Variants in PCDH9 observed in about 807,000 individuals in gnomAD.
PCDH9 encodes the protein protocadherin-9.
Under a neutral mutation model 70.6 loss-of-function variants are expected in PCDH9, and 24 were observed. That is an observed-to-expected ratio of 0.34 (90% CI 0.25 to 0.48). The LOEUF is 0.48. PCDH9 is among the 20% of genes least tolerant of loss of function. PCDH9 has a pLI of 0.99. For synonymous variants in PCDH9, 562 were observed against 558.5 expected, an observed-to-expected ratio of 1.01 and a Z score of -0.09; for missense variants, 1,281 against 1,503.6, an observed-to-expected ratio of 0.85 and a Z score of 2.45.
At chr13:66,333,056 CTT>C in intron 4 of PCDH9, among the ~76,000 whole-genome samples, 1 of 152,098 alleles carries the variant, frequency 6.6e-6, no homozygotes, top group East Asian at 1.9e-4. Context: ...ACTGCAAAGA[CTT>C]TTAATTATGA....
At chr13:67,170,811 T>A (rs1425979555) in intron 2 of PCDH9, among the ~76,000 whole-genome samples, 1 of 151,910 alleles carries the variant, frequency 6.6e-6, no homozygotes. Context: ...TGTAATCCCA[T>A]CTACTCGGGA....
intron 3 of PCDH9, among the ~76,000 whole-genome samples, chr13:66,873,918 C>CTTT (rs796944538): frequency 7.7e-6 from 1 of 130,136 alleles, no homozygotes; most frequent in African/African-American, 2.8e-5. Context: ...CTTTTCGTTT[C>CTTT]TTTTTTTTTT....
intron 2 of PCDH9, among the ~76,000 whole-genome samples, chr13:66,974,005 T>C (rs926546927): frequency 1.3e-5 from 2 of 151,992 alleles, no homozygotes; most frequent in African/African-American, 4.8e-5. Context: ...TGGAACATGA[T>C]ACATTACAGT....
chr13:66,397,456 G>GTA (rs1235241285), intron 4 of PCDH9, among the ~76,000 whole-genome samples: 43 of 84,628 alleles, frequency 5.1e-4, no homozygotes, highest in South Asian at 1.6e-3. Context: ...GTGTGTGTGT[G>GTA]TATATATATA....
chr13:66,767,100 C>A (rs1053405235), intron 3 of PCDH9, among the ~76,000 whole-genome samples: 2 of 151,876 alleles, frequency 1.3e-5, no homozygotes, highest in Non-Finnish European at 1.5e-5. Flanking sequence ...AAAATATATT[C>A]GCAGTAGAAA....
At chr13:66,964,426 G>T (rs749521458) in intron 2 of PCDH9, among the ~76,000 whole-genome samples, 3 of 151,868 alleles carry the variant, frequency 2.0e-5, no homozygotes, top group Non-Finnish European at 2.9e-5. Context: ...CTACCCCTAT[G>T]ACCCAAAGCT....
chr13:67,205,087 A>G (rs1468408936), intron 2 of PCDH9: 2 of 152,158 alleles, frequency 1.3e-5, no homozygotes, highest in African/African-American at 4.8e-5. Context: ...CCTCACCACA[A>G]ATTGATGCCT....
chr13:66,826,258 T>C (rs1412469761), intron 3 of PCDH9, among the ~76,000 whole-genome samples: 1 of 152,108 alleles, frequency 6.6e-6, no homozygotes, highest in African/African-American at 2.4e-5. Flanking sequence ...ACAAAAATGG[T>C]TTCCAAGACT....
chr13:66,437,283 T>C (rs1370534090), intron 4 of PCDH9, among the ~76,000 whole-genome samples: 3 of 150,832 alleles, frequency 2.0e-5, no homozygotes, highest in Non-Finnish European at 4.4e-5. Context: ...GGCGGGCGCC[T>C]GTAGTCCCAG....
chr13:66,482,523 T>A (rs1056813240), intron 4 of PCDH9, among the ~76,000 whole-genome samples: 1 of 152,084 alleles, frequency 6.6e-6, no homozygotes, highest in Non-Finnish European at 1.5e-5. Context: ...TAGAATCAAA[T>A]TGTCATGATG....
chr13:66,532,778 A>G (rs182970942), intron 4 of PCDH9, among the ~76,000 whole-genome samples: 59 of 152,132 alleles, frequency 3.9e-4, no homozygotes, highest in African/African-American at 1.4e-3. Flanking sequence ...TATTTTTTTA[A>G]TCACTTACTT....
intron 2 of PCDH9, among the ~76,000 whole-genome samples, chr13:67,026,600 A>G (rs1257412126): frequency 2.6e-5 from 4 of 152,092 alleles, no homozygotes; most frequent in Non-Finnish European, 5.9e-5. Context: ...AGGGTATTCA[A>G]TTAGGAAAAG....
chr13:67,104,840 C>T (rs887178201), intron 2 of PCDH9, among the ~76,000 whole-genome samples: 4 of 152,196 alleles, frequency 2.6e-5, no homozygotes, highest in Admixed American at 6.5e-5. Context: ...CGAGCCACCG[C>T]GCTGGGCCAA....
chr13:66,403,597 T>G (rs1161736997), intron 4 of PCDH9, among the ~76,000 whole-genome samples: 1 of 152,110 alleles, frequency 6.6e-6, no homozygotes, highest in Non-Finnish European at 1.5e-5. Flanking sequence ...TACTGAAGAC[T>G]CTAGAGAGCT....
chr13:66,315,168 A>G (rs1227142763), intron 4 of PCDH9, among the ~76,000 whole-genome samples: 1 of 152,170 alleles, frequency 6.6e-6, no homozygotes, highest in Non-Finnish European at 1.5e-5. Context: ...TCTGTCCTAC[A>G]AACACAAGCA....
intron 3 of PCDH9, among the ~76,000 whole-genome samples, chr13:66,632,594 TCATAAAAAATAATA>T (rs1204285521): frequency 6.6e-6 from 1 of 152,170 alleles, no homozygotes; most frequent in Non-Finnish European, 1.5e-5. Context: ...AAAAGTTTTC[TCATAAAAAATAATA>T]CATTTTAATG....
chr13:66,510,272 C>G (rs1959401813), intron 4 of PCDH9, among the ~76,000 whole-genome samples: 1 of 151,972 alleles, frequency 6.6e-6, no homozygotes, highest in South Asian at 2.1e-4. Flanking sequence ...TTATCTACTG[C>G]TCAAGAATCT....
At chr13:67,188,751 G>C (rs943127515) in intron 2 of PCDH9, among the ~76,000 whole-genome samples, 1 of 151,906 alleles carries the variant, frequency 6.6e-6, no homozygotes, top group Admixed American at 6.6e-5. Context: ...TAAACTGAAA[G>C]TTCCTTTTTA....
intron 4 of PCDH9, among the ~76,000 whole-genome samples, chr13:66,485,581 T>C (rs1457817544): frequency 6.6e-6 from 1 of 152,024 alleles, no homozygotes; most frequent in Non-Finnish European, 1.5e-5. Flanking sequence ...TACAGGTATG[T>C]GTACATATGC....
Sources: allele counts gnomAD v4.1 joint callset (sites outside exome capture counted in the v4.1 genomes callset), GRCh38; gene constraint gnomAD v4.1.1; transcripts MANE v1.5; gene names NCBI Gene and HGNC (gene_info 2026-07-23, HGNC 2026-07-21).